Variants in FAM13B observed in about 807,000 individuals in gnomAD.
The protein encoded by FAM13B is family with sequence similarity 13 member B, also known as protein FAM13B.
Under a neutral mutation model 117.3 loss-of-function variants are expected in FAM13B, and 60 were observed. The observed-to-expected ratio is 0.51, with a 90% CI of 0.42 to 0.63. The LOEUF is 0.63. Ranked by LOEUF, FAM13B falls within the 30% of genes least tolerant of loss-of-function variation. The pLI, the probability that FAM13B is intolerant of heterozygous loss-of-function variation, is 0.00. For missense variants in FAM13B, 972 were observed against 1,091.9 expected, an observed-to-expected ratio of 0.89 and a Z score of 1.55; for synonymous variants, 332 against 356.1, an observed-to-expected ratio of 0.93 and a Z score of 0.76.
At chr5:137,953,199 T>C in intron 16 of FAM13B, 137 bp downstream of exon 16, 1 of 913,552 alleles carries the variant, frequency 1.1e-6, no homozygotes, top group East Asian at 2.5e-5. Flanking sequence ...TAATCTCAGA[T>C]CTACATGATC....
At chr5:138,013,093 C>T (rs780416579) in intron 4 of FAM13B, among the ~76,000 whole-genome samples, 4 of 152,120 alleles carry the variant, frequency 2.6e-5, no homozygotes, top group Non-Finnish European at 5.9e-5. Context: ...CTCCCAGCTA[C>T]TCAGGAGGCT....
At chr5:137,965,449 C>T (rs184322274) in intron 10 of FAM13B, among the ~76,000 whole-genome samples, 5 of 152,254 alleles carry the variant, frequency 3.3e-5, no homozygotes, top group South Asian at 2.1e-4. Context: ...CAGGCATTTC[C>T]GGTAATTCCT....
At chr5:138,036,840 A>G (rs557662211), upstream of FAM13B, 1 of 335,556 alleles carries the variant, frequency 3.0e-6, no homozygotes, top group South Asian at 2.4e-5. Context: ...GTGTGCAGAC[A>G]TTTTTGGTTT....
At chr5:138,017,912 G>A (rs1452589299) in intron 4 of FAM13B, among the ~76,000 whole-genome samples, 2 of 152,146 alleles carry the variant, frequency 1.3e-5, no homozygotes, top group Non-Finnish European at 2.9e-5. Context: ...TCAAACCAGG[G>A]ATAAGTAACC....
At chr5:137,957,324 C>A (rs1766849924) in intron 13 of FAM13B, among the ~76,000 whole-genome samples, 3 of 152,040 alleles carry the variant, frequency 2.0e-5, no homozygotes, top group Non-Finnish European at 4.4e-5. Flanking sequence ...GGCGGATCAC[C>A]CGAGGCCGGG....
intron 22 of FAM13B, 164 bp downstream of exon 22, chr5:137,942,711 G>A: frequency 1.7e-6 from 1 of 587,582 alleles, no homozygotes; most frequent in Non-Finnish European, 2.8e-6. Flanking sequence ...TTTAAAAATG[G>A]GAATGACAAT....
intron 1 of FAM13B, among the ~76,000 whole-genome samples, chr5:138,025,960 G>A (rs995946586): frequency 1.3e-5 from 2 of 152,130 alleles, no homozygotes; most frequent in African/African-American, 4.8e-5. Context: ...TAATAGCACA[G>A]AATCTTTACA....
Position 137,973,214 on chromosome 5 carries a change from T to C in FAM13B, c.1180-10745A>G, listed in dbSNP as rs538220533. Among the ~76,000 whole-genome samples, 324 of 152,104 alleles carry C rather than the reference T, an allele frequency of 2.1e-3. 1 individual carries two copies. Among genetic ancestry groups the C allele is most frequent in the African/African-American group, 7.7e-3 (318 of 41,512 alleles). ...CACTACCTGACTTCAAACTATACTA[T>C]AAGGCTACAGTAATCAAAACAGCAT... On this transcript the variant is annotated intron_variant, in intron 10 of 23. Coordinates refer to ENST00000689681, the MANE Select transcript of FAM13B (RefSeq NM_001385994.1).
At chr5:138,047,342 TA>T (rs879673531) in intron 1 of FAM13B, among the ~76,000 whole-genome samples, 387 of 136,856 alleles carry the variant, frequency 2.8e-3, no homozygotes, top group Admixed American at 2.8e-3. Flanking sequence ...CCACCTCTAC[TA>T]AAAAAAAAAA....
At chr5:138,032,642 A>C in intron 1 of FAM13B, 140 bp downstream of exon 1, 3 of 795,100 alleles carry the variant, frequency 3.8e-6, no homozygotes, top group Non-Finnish European at 4.6e-6. Context: ...CCCACCTGCT[A>C]GAGTCCTCCA....
At position 137,949,183 on chromosome 5, in the gene FAM13B, A is replaced by C. The variant is rs758175564; in HGVS notation, c.1932T>G (p.Asp644Glu). Residue 644 changes from aspartate to glutamate, a missense_variant and splice_region_variant, in exon 18 of 24, where the codon GAT becomes GAG. Asp to Glu is a conservative substitution (Grantham distance 45). Coordinates refer to ENST00000689681, the MANE Select transcript of FAM13B (RefSeq NM_001385994.1). ...CTCCATCAGAATTTTTGTGTTTTGC[A>C]TCTACATGTCAGAAATAAGGACAGA... ...ELTKLRKQIKDAKHKNSDGEF... is the reference protein window; with the variant it reads ...ELTKLRKQIKEAKHKNSDGEF... 3.7e-6 allele frequency: 6 copies of C among 1,612,652 alleles called. No homozygotes were observed. In the South Asian group the frequency reaches 6.6e-5, roughly 18 times the overall value.
At chr5:137,959,819 C>A in intron 12 of FAM13B, 56 bp from the exon 13 acceptor site, 1 of 1,544,118 alleles carries the variant, frequency 6.5e-7, no homozygotes. Context: ...TCACACCCAG[C>A]TTAAACACAT....
In FAM13B at chr5:137,975,685, T is replaced by C. The variant is rs946797135; in HGVS notation, c.1179+9572A>G. ...ACCTCTCGCTTAAAAAAATATTCTATATATCCCCTTTTACTGAAGATTAAA... is the reference window on the plus strand; with the variant it reads ...ACCTCTCGCTTAAAAAAATATTCTACATATCCCCTTTTACTGAAGATTAAA... On this transcript the variant is annotated intron_variant, in intron 10 of 23. Transcript: ENST00000689681. 2.0e-5 allele frequency among the ~76,000 whole-genome samples: 3 copies of C among 152,176 alleles called. No homozygotes were observed. The East Asian group carries it at 5.8e-4, about 29-fold the overall frequency.
intron 18 of FAM13B, among the ~76,000 whole-genome samples, chr5:137,947,181 C>T (rs1052122617): frequency 6.6e-6 from 1 of 152,128 alleles, no homozygotes; most frequent in African/African-American, 2.4e-5. Context: ...AACACTAGAC[C>T]AAATAATCTC....
At chr5:137,977,093 T>C (rs541271851) in intron 10 of FAM13B, among the ~76,000 whole-genome samples, 7 of 152,266 alleles carry the variant, frequency 4.6e-5, no homozygotes, top group African/African-American at 1.7e-4. Context: ...GGTAGGTCTC[T>C]GAAATGGCCT....
At chr5:137,966,206 G>A (rs907494151) in intron 10 of FAM13B, among the ~76,000 whole-genome samples, 17 of 151,880 alleles carry the variant, frequency 1.1e-4, no homozygotes, top group Non-Finnish European at 1.8e-4. Context: ...GGAGGCTGAG[G>A]TGGGCGGATC....
At chr5:138,038,847 C>G (rs1791379594) in intron 1 of FAM13B, among the ~76,000 whole-genome samples, 1 of 152,176 alleles carries the variant, frequency 6.6e-6, no homozygotes, top group Non-Finnish European at 1.5e-5. Context: ...GGGTCAGGCA[C>G]TGTGCTAGGC....
chr5:137,941,762 G>C (rs1490914712), intron 23 of FAM13B, among the ~76,000 whole-genome samples, 182 bp downstream of exon 23: 1 of 152,172 alleles, frequency 6.6e-6, no homozygotes, highest in Non-Finnish European at 1.5e-5. Flanking sequence ...TGTTTACACT[G>C]GCTGTGACTA....
chr5:138,045,715 G>C (rs1791621920), intron 1 of FAM13B, among the ~76,000 whole-genome samples: 2 of 151,660 alleles, frequency 1.3e-5, no homozygotes, highest in South Asian at 4.2e-4. Flanking sequence ...ATTACAAACA[G>C]TGGCCAGACA....
Sources: gnomAD v4.1 joint callset for allele counts (sites outside exome capture counted in the v4.1 genomes callset) on GRCh38, gnomAD v4.1.1 for gene constraint, MANE v1.5 for transcripts, NCBI Gene and HGNC (gene_info 2026-07-23, HGNC 2026-07-21) for gene names.